The following ALCAM variants were observed in gnomAD, a reference collection of about 807,000 sequenced individuals.
ALCAM encodes the protein CD166 antigen.
Under a neutral mutation model 70.9 loss-of-function variants are expected in ALCAM, and 30 were observed. That is an observed-to-expected ratio of 0.42 (90% CI 0.32 to 0.57). The LOEUF is 0.57. Among genes scored for constraint, ALCAM ranks in the 20% least tolerant of loss-of-function variants. The probability of loss-of-function intolerance (pLI) is 0.11; values close to 1 mark genes in which losing one functional copy is unlikely to be tolerated. For missense variants in ALCAM, 591 were observed against 695.1 expected (o/e 0.85, Z 1.68); for synonymous variants, 249 against 242.5 (o/e 1.03, Z -0.25).
intron 14 of ALCAM, among the ~76,000 whole-genome samples, chr3:105,567,543 A>C (rs1940770602): frequency 6.6e-6 from 1 of 152,008 alleles, no homozygotes; most frequent in Admixed American, 6.6e-5. Flanking sequence ...AGGTTCACTA[A>C]TGCTTTCTTG....
At chr3:105,379,931 A>G (rs1935474569) in intron 1 of ALCAM, among the ~76,000 whole-genome samples, 1 of 151,856 alleles carries the variant, frequency 6.6e-6, no homozygotes, top group Non-Finnish European at 1.5e-5. Flanking sequence ...CTCACTAGAC[A>G]TGATTAAAGT....
intron 1 of ALCAM, among the ~76,000 whole-genome samples, chr3:105,384,592 C>T (rs1051337924): frequency 6.6e-6 from 1 of 151,312 alleles, no homozygotes; most frequent in Non-Finnish European, 1.5e-5. Context: ...GAATTCTTGC[C>T]CAGAAATTCT....
At chr3:105,382,260 G>A (rs1935541668) in intron 1 of ALCAM, among the ~76,000 whole-genome samples, 1 of 151,900 alleles carries the variant, frequency 6.6e-6, no homozygotes, top group African/African-American at 2.4e-5. Flanking sequence ...CCCTACAAAG[G>A]ACATGAATTC....
intron 11 of ALCAM, among the ~76,000 whole-genome samples, chr3:105,548,131 T>A (rs1472615330): frequency 2.6e-5 from 4 of 151,458 alleles, no homozygotes; most frequent in Non-Finnish European, 5.9e-5. Flanking sequence ...TATTTGTACC[T>A]TTTTATTTTA....
intron 1 of ALCAM, among the ~76,000 whole-genome samples, chr3:105,412,316 A>C (rs1936410915): frequency 6.6e-6 from 1 of 152,106 alleles, no homozygotes; most frequent in Non-Finnish European, 1.5e-5. Context: ...AAAGAATTAG[A>C]AACAAATGTG....
intron 1 of ALCAM, among the ~76,000 whole-genome samples, chr3:105,509,412 G>T (rs1939173382): frequency 6.6e-6 from 1 of 151,840 alleles, no homozygotes; most frequent in Non-Finnish European, 1.5e-5. Flanking sequence ...ATCTTAACAG[G>T]CATGAGATGA....
intron 1 of ALCAM, among the ~76,000 whole-genome samples, chr3:105,472,865 A>T (rs1186557381): frequency 6.6e-6 from 1 of 151,594 alleles, no homozygotes; most frequent in East Asian, 1.9e-4. Flanking sequence ...AAAGATAAAA[A>T]TATTTAACTC....
intron 1 of ALCAM, among the ~76,000 whole-genome samples, chr3:105,426,590 G>C (rs1936796754): frequency 6.6e-6 from 1 of 151,828 alleles, no homozygotes; most frequent in African/African-American, 2.4e-5. Context: ...CTGTGCAATA[G>C]ACTACCAGAC....
At chr3:105,536,747 T>A (rs1939979555) in intron 6 of ALCAM, among the ~76,000 whole-genome samples, 1 of 152,056 alleles carries the variant, frequency 6.6e-6, no homozygotes, top group Admixed American at 6.6e-5. Flanking sequence ...GACACCTACA[T>A]CAGAAGGAAA....
intron 1 of ALCAM, among the ~76,000 whole-genome samples, chr3:105,420,045 GT>G (rs1936607357): frequency 6.6e-6 from 1 of 151,606 alleles, no homozygotes; most frequent in South Asian, 2.1e-4. Context: ...TAAAAAAACC[GT>G]TTTGGAATTT....
chr3:105,445,425 C>T (rs1937272038), intron 1 of ALCAM, among the ~76,000 whole-genome samples: 1 of 152,064 alleles, frequency 6.6e-6, no homozygotes, highest in African/African-American at 2.4e-5. Flanking sequence ...CTACAGATTC[C>T]ATTCAATCCC....
chr3:105,478,465 C>A (rs1938182306), intron 1 of ALCAM, among the ~76,000 whole-genome samples: 1 of 152,058 alleles, frequency 6.6e-6, no homozygotes, highest in South Asian at 2.1e-4. Flanking sequence ...GTCAGAAAGT[C>A]AAGATTTTTT....
chr3:105,485,312 A>G (rs1938394932), intron 1 of ALCAM, among the ~76,000 whole-genome samples: 1 of 152,026 alleles, frequency 6.6e-6, no homozygotes, highest in Non-Finnish European at 1.5e-5. Flanking sequence ...AAATCTTATT[A>G]TAGTCCTGAA....
chr3:105,478,527 G>A (rs976918280), intron 1 of ALCAM, among the ~76,000 whole-genome samples: 5 of 151,968 alleles, frequency 3.3e-5, no homozygotes, highest in African/African-American at 9.7e-5. Flanking sequence ...ATACACATAC[G>A]CAAACACACA....
intron 1 of ALCAM, among the ~76,000 whole-genome samples, chr3:105,376,778 A>T (rs1406745044): frequency 2.0e-5 from 3 of 152,204 alleles, no homozygotes; most frequent in African/African-American, 7.2e-5. Flanking sequence ...GTGCTGAGGA[A>T]TAATCTAGCA....
intron 3 of ALCAM, among the ~76,000 whole-genome samples, chr3:105,528,480 AG>A (rs1939762915): frequency 1.3e-5 from 2 of 152,332 alleles, no homozygotes; most frequent in South Asian, 4.1e-4. Context: ...GGGAAAAGTA[AG>A]GGCACTATTT....
At chr3:105,465,157 A>G (rs1005439812) in intron 1 of ALCAM, among the ~76,000 whole-genome samples, 8 of 151,514 alleles carry the variant, frequency 5.3e-5, no homozygotes, top group Admixed American at 4.0e-4. Context: ...CATGAGCTCA[A>G]GGAAAAAGAT....
In ALCAM at chr3:105,563,667, C is replaced by CTTTTTTTTTTTTTTTT. The variant is rs749625480; in HGVS notation, c.1665-8169_1665-8154dup. On this transcript the variant is annotated intron_variant, in intron 14 of 15. Coordinates refer to ENST00000306107, the MANE Select transcript of ALCAM (RefSeq NM_001627.4). ...GACCTGTATGAAATTCCAAGCATTT[C>CTTTTTTTTTTTTTTTT]TTTTTTTTTTTTTTTTTTTTTTTTT... 2.0e-3 allele frequency among the ~76,000 whole-genome samples: 104 copies of CTTTTTTTTTTTTTTTT among 52,042 alleles called. 23 individuals are homozygous for CTTTTTTTTTTTTTTTT. Among genetic ancestry groups the CTTTTTTTTTTTTTTTT allele is most frequent in the African/African-American group, 4.9e-3 (48 of 9,896 alleles). The allele number at this position is 52,042 out of a possible 152,430, so 34.1% of individuals were successfully genotyped here.
chr3:105,367,566 G>A, intron 1 of ALCAM, 85 bp downstream of exon 1: 3 of 1,522,566 alleles, frequency 2.0e-6, no homozygotes, highest in Non-Finnish European at 2.7e-6. Flanking sequence ...GCACCCCCGA[G>A]GCAGTGCGCC....
Sources: allele counts gnomAD v4.1 joint callset (sites outside exome capture counted in the v4.1 genomes callset), GRCh38; gene constraint gnomAD v4.1.1; transcripts MANE v1.5; gene names NCBI Gene and HGNC (gene_info 2026-07-23, HGNC 2026-07-21).